The following CELF2 variants were observed in gnomAD, a reference collection of about 807,000 sequenced individuals.
The protein encoded by CELF2 is CUG triplet repeat RNA-binding protein 2.
A neutral mutation model predicts 62.6 loss-of-function variants in CELF2; 8 were observed. That is an observed-to-expected ratio of 0.13 (90% CI 0.07 to 0.23). The LOEUF (loss-of-function observed/expected upper bound fraction) is 0.23, where lower values mean the gene tolerates loss of function less well. CELF2 is among the 10% of genes least tolerant of loss of function. CELF2 has a pLI of 1.00. For missense variants in CELF2, 333 were observed against 671.0 expected (o/e 0.50, Z 5.56); for synonymous variants, 258 against 250.0 (o/e 1.03, Z -0.30).
At chr10:10,651,190 T>C in the CELF2 span, among the ~76,000 whole-genome samples, 2 of 121,024 alleles carry the variant, frequency 1.7e-5, no homozygotes, top group African/African-American at 6.0e-5. Flanking sequence ...CACCACGAGA[T>C]TATATCCCAC....
chr10:10,575,559 T>C, the CELF2 span, among the ~76,000 whole-genome samples: 1 of 152,290 alleles, frequency 6.6e-6, no homozygotes, highest in East Asian at 1.9e-4. Flanking sequence ...TTTTCCACCA[T>C]CACGTAAAAA....
chr10:11,068,395 A>G (rs1276187054), intron 1 of CELF2, among the ~76,000 whole-genome samples: 1 of 152,200 alleles, frequency 6.6e-6, no homozygotes, highest in Non-Finnish European at 1.5e-5. Context: ...TTAAAGGTGA[A>G]GAGCTGCCTG....
At chr10:10,693,434 G>C in the CELF2 span, among the ~76,000 whole-genome samples, 1 of 150,528 alleles carries the variant, frequency 6.6e-6, no homozygotes, top group Non-Finnish European at 1.5e-5. Flanking sequence ...GAGGATTTTT[G>C]CATCAATGTT....
At position 11,297,168 on chromosome 10, in the gene CELF2, G is replaced by A. The variant is rs1197760683; in HGVS notation, c.976+8616G>A. Among the ~76,000 whole-genome samples, 1 of 152,238 alleles carries A rather than the reference G, an allele frequency of 6.6e-6. No individual in the cohort carries two copies. The highest frequency in any genetic ancestry group is 1.5e-5 in the Non-Finnish European group (1 of 68,034). ...AGTGGAGCATTGCTCTCAGTTGTGA[G>A]GGGAGTTGAGGAGGAAGCTGTCATA... On this transcript the variant is annotated intron_variant, in intron 9 of 12. Transcript: ENST00000633077. This position sits in a 1 kb window ranked among gnomAD's most constrained non-coding sequence, Gnocchi z 4.4.
chr10:10,686,129 G>A, the CELF2 span, among the ~76,000 whole-genome samples: 69 of 152,182 alleles, frequency 4.5e-4, no homozygotes, highest in Non-Finnish European at 7.1e-4. Context: ...AGATGATTTC[G>A]TTGTTGGCAA....
At chr10:11,253,314 C>G (rs2077692899) in intron 4 of CELF2, among the ~76,000 whole-genome samples, 1 of 152,188 alleles carries the variant, frequency 6.6e-6, no homozygotes, top group Non-Finnish European at 1.5e-5. Flanking sequence ...GTGTGTGTCT[C>G]TCTCAAGGCC....
chr10:11,093,070 A>G (rs560900555), intron 1 of CELF2, among the ~76,000 whole-genome samples: 2 of 152,178 alleles, frequency 1.3e-5, no homozygotes, highest in East Asian at 3.9e-4. Flanking sequence ...TTAATTTCTT[A>G]CTCTGTCAGG....
At chr10:10,920,070 C>T (rs2134664915) in intron 2 of CELF2, 1 of 1,076,442 alleles carries the variant, frequency 9.3e-7, no homozygotes, top group East Asian at 3.2e-5. Flanking sequence ...TGTGCCATGT[C>T]TTCTGTAAGA....
At chr10:10,570,446 G>T in the CELF2 span, among the ~76,000 whole-genome samples, 2 of 152,040 alleles carry the variant, frequency 1.3e-5, no homozygotes, top group Admixed American at 6.6e-5. Context: ...TTCACCCCAG[G>T]TGAAAGGAAT....
At chr10:10,559,923 A>G in the CELF2 span, among the ~76,000 whole-genome samples, 2 of 152,192 alleles carry the variant, frequency 1.3e-5, no homozygotes, top group African/African-American at 4.8e-5. Context: ...CAAATTTACC[A>G]TTTGATGAAG....
chr10:11,327,349 A>G (rs887876108), intron 12 of CELF2, among the ~76,000 whole-genome samples: 1 of 152,196 alleles, frequency 6.6e-6, no homozygotes, highest in Non-Finnish European at 1.5e-5. Context: ...TTGAGAAAAT[A>G]CTTCCTTGAA....
intron 3 of CELF2, among the ~76,000 whole-genome samples, chr10:11,236,105 G>A (rs2071164809): frequency 6.6e-6 from 1 of 152,204 alleles, no homozygotes; most frequent in Non-Finnish European, 1.5e-5. Context: ...AATAAACGTG[G>A]CTGGCAAAGC....
At chr10:10,586,871 T>C in the CELF2 span, among the ~76,000 whole-genome samples, 2 of 152,210 alleles carry the variant, frequency 1.3e-5, no homozygotes, top group Non-Finnish European at 2.9e-5. Context: ...CCAGGTGGAT[T>C]GTATACGGCA....
At chr10:10,558,570 C>T in the CELF2 span, among the ~76,000 whole-genome samples, 1 of 151,826 alleles carries the variant, frequency 6.6e-6, no homozygotes, top group African/African-American at 2.4e-5. Context: ...AGGGAGGATT[C>T]CCTCTTTTTC....
At chr10:10,727,606 C>A in the CELF2 span, among the ~76,000 whole-genome samples, 2 of 151,974 alleles carry the variant, frequency 1.3e-5, no homozygotes, top group Non-Finnish European at 2.9e-5. Context: ...GAAACCCCGT[C>A]TCTACCAAAA....
chr10:11,283,890 T>A (rs1035149604), intron 8 of CELF2, among the ~76,000 whole-genome samples: 1 of 96,400 alleles, frequency 1.0e-5, no homozygotes, highest in African/African-American at 4.1e-5. Flanking sequence ...GAGGGGTGGG[T>A]GGATGATGGA....
chr10:11,266,296 C>T (rs1241803248), intron 5 of CELF2, among the ~76,000 whole-genome samples: 1 of 152,092 alleles, frequency 6.6e-6, no homozygotes, highest in East Asian at 1.9e-4. Context: ...CAAACTAGAT[C>T]TTGCTGATTT....
chr10:11,292,688 C>G (rs1353180493), intron 9 of CELF2, among the ~76,000 whole-genome samples: 1 of 152,010 alleles, frequency 6.6e-6, no homozygotes, highest in Non-Finnish European at 1.5e-5. Flanking sequence ...GAGGCTGTCT[C>G]CCCAAGACTA....
the CELF2 span, among the ~76,000 whole-genome samples, chr10:10,572,182 A>C: frequency 6.6e-6 from 1 of 152,144 alleles, no homozygotes; most frequent in Non-Finnish European, 1.5e-5. Flanking sequence ...GCAAGGTTTA[A>C]ATTAAATATA....
Sources: gnomAD v4.1 joint callset for allele counts (sites outside exome capture counted in the v4.1 genomes callset) on GRCh38, gnomAD v4.1.1 for gene constraint, Gnocchi (gnomAD v3.1) non-coding constraint, MANE v1.5 for transcripts, NCBI Gene and HGNC (gene_info 2026-07-23, HGNC 2026-07-21) for gene names.